The following ARL2 variants were observed in gnomAD, a reference collection of about 807,000 sequenced individuals.
ARL2 encodes the protein ADP-ribosylation factor-like protein 2.
A neutral mutation model predicts 22.0 loss-of-function variants in ARL2; 11 were observed. That is an observed-to-expected ratio of 0.50 (90% CI 0.31 to 0.83). ARL2 has a LOEUF of 0.83. Among genes scored for constraint, ARL2 ranks in the 40% least tolerant of loss-of-function variants. The pLI, the probability that ARL2 is intolerant of heterozygous loss-of-function variation, is 0.04. For synonymous variants in ARL2, 111 were observed against 100.8 expected (o/e 1.10, Z -0.61); for missense variants, 216 against 243.2 (o/e 0.89, Z 0.74).
At chr11:65,021,646 T>C in intron 4 of ARL2, 75 bp from the exon 5 acceptor site, 1 of 1,497,154 alleles carries the variant, frequency 6.7e-7, no homozygotes, top group Non-Finnish European at 8.9e-7. Flanking sequence ...TCCTCTGGGC[T>C]GGGGAGGGAA....
chr11:65,014,641 C>T (rs1475858958), intron 1 of ARL2, among the ~76,000 whole-genome samples: 1 of 152,236 alleles, frequency 6.6e-6, no homozygotes, highest in South Asian at 2.1e-4. Flanking sequence ...TTCCAGGCCC[C>T]GGCCCCGCCC....
chr11:65,020,738 G>A (rs1211654144), intron 4 of ARL2, among the ~76,000 whole-genome samples: 5 of 152,154 alleles, frequency 3.3e-5, no homozygotes, highest in South Asian at 2.1e-4. Context: ...GTGCAGTGGC[G>A]TGCGCCTGTA....
At position 65,018,344 on chromosome 11, in the gene ARL2, C is replaced by T; in HGVS notation, c.66-20C>T. Reference sequence around the variant, plus strand: ...ACCTGGCAGAGAACAGGGACTTCTCCTTAACCTGCTGCGCCCCAGTGGCCT... The same window carrying T: ...ACCTGGCAGAGAACAGGGACTTCTCTTTAACCTGCTGCGCCCCAGTGGCCT... On this transcript the variant is annotated intron_variant, in intron 1 of 4. Coordinates refer to ENST00000246747, the MANE Select transcript of ARL2 (RefSeq NM_001667.4). This position sits in a 1 kb window ranked among gnomAD's most constrained non-coding sequence, Gnocchi z 4.2. The T allele has an allele frequency of 6.3e-7, 1 of 1,577,580 alleles. No homozygotes were observed. The highest frequency in any genetic ancestry group is 1.2e-5 in the South Asian group (1 of 86,044).
intron 4 of ARL2, 185 bp downstream of exon 4, chr11:65,020,684 C>T: frequency 1.7e-6 from 1 of 582,634 alleles, no homozygotes; most frequent in Non-Finnish European, 3.0e-6. Context: ...GCCTGACCAA[C>T]ATGATGAAAC....
Position 65,018,857 on chromosome 11 carries a change from C to T in ARL2, c.339+124C>T, listed in dbSNP as rs1414245805. 6.5e-7 allele frequency: 1 copy of T among 1,540,244 alleles called. No individual in the cohort carries two copies. Among genetic ancestry groups the T allele is most frequent in the Admixed American group, 2.0e-5 (1 of 51,226 alleles). On this transcript the variant is annotated intron_variant, in intron 3 of 4. Transcript: ENST00000246747. The surrounding 1 kb of genome is among the most constrained non-coding windows in gnomAD (Gnocchi z 4.2). ...AGGATCCCTTCCTTCTCTGGGCCCCCACCATGGGAGGCCCATGGTGCCAGA... is the reference window on the plus strand; with the variant it reads ...AGGATCCCTTCCTTCTCTGGGCCCCTACCATGGGAGGCCCATGGTGCCAGA...
At position 65,020,286 on chromosome 11, in the gene ARL2, C is replaced by G. The variant is rs138146067; in HGVS notation, c.340-133C>G. 7,296 of 754,358 alleles carry G rather than the reference C, an allele frequency of 9.7e-3. 46 individuals are homozygous for G. The highest frequency in any genetic ancestry group is 0.013 in the Admixed American group (616 of 46,668). The allele number at this position is 754,358 out of a possible 1,614,324, so 46.7% of individuals were successfully genotyped here. The stretch of plus-strand genomic sequence containing the variant: ...CTACGTCCACAAACTCACTCCTGGG[C>G]CTCTCCCACCACCACGGGGCCTCAC... On this transcript the variant is annotated intron_variant, in intron 3 of 4. Coordinates refer to ENST00000246747, the MANE Select transcript of ARL2 (RefSeq NM_001667.4).
chr11:65,015,458 A>C (rs1946239721), intron 1 of ARL2, among the ~76,000 whole-genome samples: 1 of 152,120 alleles, frequency 6.6e-6, no homozygotes, highest in Non-Finnish European at 1.5e-5. Flanking sequence ...CATACAGTTC[A>C]CTCATTTGAT....
chr11:65,014,272 T>C lies in ARL2; in HGVS notation c.65T>C (p.Leu22Pro). The C allele has an allele frequency of 6.4e-7, 1 of 1,558,792 alleles. No individual in the cohort carries two copies. The highest frequency in any genetic ancestry group is 8.6e-7 in the Non-Finnish European group (1 of 1,157,236). ...GAGCGGGAGCTGCGACTGCTCATGCTGTATCCTACCGGACGCCGGAACCGC... is the reference window on the plus strand; with the variant it reads ...GAGCGGGAGCTGCGACTGCTCATGCCGTATCCTACCGGACGCCGGAACCGC... ...QKERELRLLM[L>P]GLDNAGKTTI... The change falls in exon 1 of 5, where the codon CTT becomes CCT. Residue 22 changes from leucine to proline, a missense_variant and splice_region_variant. Leu to Pro is a moderately conservative substitution (Grantham distance 98). Transcript: ENST00000246747.
chr11:65,020,515 G>C lies in ARL2; in HGVS notation c.420+16G>C. ...CATCCGCGAGGTGAGTCCAGGCCCC[G>C]GGACAGGCTCGCTGAGGGAAAGGGG... On this transcript the variant is annotated intron_variant, in intron 4 of 4. Transcript: ENST00000246747. 1.3e-6 allele frequency: 2 copies of C among 1,597,624 alleles called. No individual in the cohort carries two copies. The highest frequency in any genetic ancestry group is 1.7e-4 in the Middle Eastern group (1 of 6,034).
intron 1 of ARL2, 136 bp downstream of exon 1, chr11:65,014,408 C>G: frequency 1.5e-6 from 1 of 684,014 alleles, no homozygotes; most frequent in South Asian, 2.3e-5. Flanking sequence ...CGGGCCCCAT[C>G]AATCGCCCCG....
In ARL2 at chr11:65,021,891, C is replaced by G. The variant is rs781545281; in HGVS notation, c.*36C>G. On this transcript the variant is annotated 3_prime_UTR_variant, in exon 5 of 5. Transcript: ENST00000246747. ...ATGCCCCCCACCTAGCAGTCCAGGTCCCTCAACCTTCACCAAACACTACCC... is the reference window on the plus strand; with the variant it reads ...ATGCCCCCCACCTAGCAGTCCAGGTGCCTCAACCTTCACCAAACACTACCC... 4 of 1,596,252 alleles carry G rather than the reference C, an allele frequency of 2.5e-6. No individual in the cohort carries two copies. The highest frequency in any genetic ancestry group is 3.4e-6 in the Non-Finnish European group (4 of 1,170,822).
chr11:65,021,780 C>G lies in ARL2; in HGVS notation c.480C>G (p.Val160=). Residue 160 remains valine, a synonymous_variant, in exon 5 of 5, where the codon GTC becomes GTG. Transcript: ENST00000246747. ...HHWCIQGCSA[V]TGENLLPGID... Reference sequence around the variant, plus strand: ...GGTGCATCCAGGGCTGCAGCGCCGTCACCGGGGAGAACCTGCTGCCGGGCA... The same window carrying G: ...GGTGCATCCAGGGCTGCAGCGCCGTGACCGGGGAGAACCTGCTGCCGGGCA... 6.2e-7 allele frequency: 1 copy of G among 1,613,196 alleles called. No homozygotes were observed. Among genetic ancestry groups the G allele is most frequent in the Non-Finnish European group, 8.5e-7 (1 of 1,179,922 alleles).
intron 3 of ARL2, chr11:65,019,044 G>C: frequency 1.0e-6 from 1 of 966,834 alleles, no homozygotes; most frequent in Non-Finnish European, 1.4e-6. Flanking sequence ...GCTTCGAGAG[G>C]CCATGGAGCC....
rs920170451 is a variant in ARL2, at chr11:65,021,786, G to A, written c.486G>A (p.Gly162=). Residue 162 remains glycine (G), a synonymous_variant, in exon 5 of 5, where the codon GGG becomes GGA. Coordinates refer to ENST00000246747, the MANE Select transcript of ARL2 (RefSeq NM_001667.4). ...WCIQGCSAVT[G]ENLLPGIDWL... ...TCCAGGGCTGCAGCGCCGTCACCGG[G>A]GAGAACCTGCTGCCGGGCATCGACT... 6.2e-6 allele frequency: 10 copies of A among 1,613,290 alleles called. No homozygotes were observed. Among genetic ancestry groups the A allele is most frequent in the Admixed American group, 1.7e-5 (1 of 60,008 alleles).
chr11:65,017,017 G>A (rs1946265042), intron 1 of ARL2, among the ~76,000 whole-genome samples: 1 of 152,126 alleles, frequency 6.6e-6, no homozygotes, highest in African/African-American at 2.4e-5. Context: ...TTTGGGGACT[G>A]ACCTTGGTAA....
intron 1 of ARL2, among the ~76,000 whole-genome samples, chr11:65,017,396 T>C (rs1946270804): frequency 6.6e-6 from 1 of 152,002 alleles, no homozygotes; most frequent in Admixed American, 6.6e-5. Context: ...GGGTTTCACC[T>C]TGTTGGTCAG....
At chr11:65,019,932 C>T (rs894376457) in intron 3 of ARL2, among the ~76,000 whole-genome samples, 4 of 152,152 alleles carry the variant, frequency 2.6e-5, no homozygotes, top group Admixed American at 6.6e-5. Context: ...AAGGGTTAGA[C>T]CCGTCCACCC....
At chr11:65,017,020 C>T (rs11231925) in intron 1 of ARL2, among the ~76,000 whole-genome samples, 2 of 151,988 alleles carry the variant, frequency 1.3e-5, no homozygotes, top group Non-Finnish European at 2.9e-5. Context: ...GGGGACTGAC[C>T]TTGGTAAGGA....
At position 65,018,742 on chromosome 11, in the gene ARL2, C is replaced by G. The variant is rs761749850; in HGVS notation, c.339+9C>G. 7 of 1,613,868 alleles carry G rather than the reference C, an allele frequency of 4.3e-6. No homozygotes were observed. Among genetic ancestry groups the G allele is most frequent in the Non-Finnish European group, 5.9e-6 (7 of 1,180,014 alleles). On this transcript the variant is annotated intron_variant, in intron 3 of 4. Coordinates refer to ENST00000246747, the MANE Select transcript of ARL2 (RefSeq NM_001667.4). This position sits in a 1 kb window ranked among gnomAD's most constrained non-coding sequence, Gnocchi z 4.2. ...GCCTGCTGGTGGAGGAGGTGGGCAGCTCCTACCCTTTGTGTACATGTATGG... is the reference window on the plus strand; with the variant it reads ...GCCTGCTGGTGGAGGAGGTGGGCAGGTCCTACCCTTTGTGTACATGTATGG...
Sources: gnomAD v4.1 joint callset for allele counts (sites outside exome capture counted in the v4.1 genomes callset) on GRCh38, gnomAD v4.1.1 for gene constraint, Gnocchi (gnomAD v3.1) non-coding constraint, MANE v1.5 for transcripts, NCBI Gene and HGNC (gene_info 2026-07-23, HGNC 2026-07-21) for gene names.